CADPS2: variants seen among roughly 807,000 people sequenced by gnomAD.
CADPS2 encodes calcium-dependent secretion activator 2.
CADPS2 carries 93 observed loss-of-function variants against 172.5 expected under a neutral mutation model. That is an observed-to-expected ratio of 0.54 (90% confidence interval 0.46 to 0.64). CADPS2 has a LOEUF of 0.64. Among genes scored for constraint, CADPS2 ranks in the 30% least tolerant of loss-of-function variants. The pLI, the probability that CADPS2 is intolerant of heterozygous loss-of-function variation, is 0.00. For missense variants in CADPS2, 1,420 were observed against 1,565.9 expected (o/e 0.91, Z 1.57); for synonymous variants, 546 against 555.2 (o/e 0.98, Z 0.23).
chr7:122,583,652 T>C (rs1296414148), intron 6 of CADPS2, among the ~76,000 whole-genome samples: 1 of 150,982 alleles, frequency 6.6e-6, no homozygotes, highest in Non-Finnish European at 1.5e-5. Context: ...ATCACAATTA[T>C]ATATGAAGGA....
intron 3 of CADPS2, among the ~76,000 whole-genome samples, chr7:122,652,217 C>T (rs1168059493): frequency 6.6e-6 from 1 of 152,296 alleles, no homozygotes; most frequent in Non-Finnish European, 1.5e-5. Flanking sequence ...TATTATTTAA[C>T]ACAATGCCTA....
intron 7 of CADPS2, among the ~76,000 whole-genome samples, chr7:122,569,650 A>C (rs1388537048): frequency 7.1e-6 from 1 of 139,884 alleles, no homozygotes. Context: ...GGCTACAGTA[A>C]CCAAAACAGC....
chr7:122,351,446 T>C (rs1200271858), intron 27 of CADPS2, among the ~76,000 whole-genome samples: 2 of 150,314 alleles, frequency 1.3e-5, no homozygotes, highest in East Asian at 3.9e-4. Context: ...AGTTAACTTT[T>C]TTTTTTGTTA....
intron 19 of CADPS2, among the ~76,000 whole-genome samples, chr7:122,413,557 A>G (rs2047553994): frequency 6.6e-6 from 1 of 152,210 alleles, no homozygotes; most frequent in Non-Finnish European, 1.5e-5. Context: ...CTGACATGCG[A>G]GCCACTTGAA....
At chr7:122,456,378 G>T (rs1337940156) in intron 14 of CADPS2, among the ~76,000 whole-genome samples, 1 of 151,882 alleles carries the variant, frequency 6.6e-6, no homozygotes, top group Non-Finnish European at 1.5e-5. Flanking sequence ...GAGAAGAAAG[G>T]GTAGTCTTAT....
chr7:122,469,373 T>C (rs371752139), intron 14 of CADPS2, among the ~76,000 whole-genome samples: 7 of 152,192 alleles, frequency 4.6e-5, no homozygotes, highest in East Asian at 3.9e-4. Context: ...TCTTGCATTT[T>C]AGAGGTCTGC....
intron 22 of CADPS2, among the ~76,000 whole-genome samples, chr7:122,390,532 A>C (rs1446954798): frequency 6.6e-6 from 1 of 152,082 alleles, no homozygotes; most frequent in African/African-American, 2.4e-5. Context: ...CATCATAAAA[A>C]CAAAATCTCT....
chr7:122,401,405 T>A (rs2045936797), intron 20 of CADPS2, among the ~76,000 whole-genome samples: 1 of 152,174 alleles, frequency 6.6e-6, no homozygotes, highest in Non-Finnish European at 1.5e-5. Flanking sequence ...TATCCACAGA[T>A]TAAAAGGTGA....
intron 3 of CADPS2, among the ~76,000 whole-genome samples, chr7:122,644,208 A>G (rs1163867481): frequency 6.6e-6 from 1 of 152,228 alleles, no homozygotes; most frequent in African/African-American, 2.4e-5. Flanking sequence ...AACATTCGGG[A>G]CTTCCCACAT....
chr7:122,694,819 G>A (rs1012827699), intron 2 of CADPS2, among the ~76,000 whole-genome samples: 2 of 152,098 alleles, frequency 1.3e-5, no homozygotes, highest in Non-Finnish European at 2.9e-5. Flanking sequence ...ACAAAAACAG[G>A]TGTTCATGGT....
chr7:122,762,409 A>G (rs1410008218), intron 1 of CADPS2, among the ~76,000 whole-genome samples: 3 of 152,144 alleles, frequency 2.0e-5, no homozygotes, highest in Non-Finnish European at 2.9e-5. Context: ...TGAGTTCCCA[A>G]CAAGGATGGA....
intron 11 of CADPS2, among the ~76,000 whole-genome samples, chr7:122,484,632 T>C (rs2057619314): frequency 6.6e-6 from 1 of 151,342 alleles, no homozygotes; most frequent in African/African-American, 2.4e-5. Flanking sequence ...ATGAAAAAAA[T>C]TGATAAAATG....
chr7:122,673,590 T>C (rs2082087594), intron 2 of CADPS2, among the ~76,000 whole-genome samples: 1 of 151,970 alleles, frequency 6.6e-6, no homozygotes, highest in Non-Finnish European at 1.5e-5. Context: ...GACATAAAAG[T>C]TCTCCAAGTC....
intron 2 of CADPS2, chr7:122,697,789 C>T (rs1375905421): frequency 6.4e-7 from 1 of 1,566,044 alleles, no homozygotes; most frequent in Non-Finnish European, 8.6e-7. Context: ...GTCATGCCAT[C>T]AAGGTGAAGG....
chr7:122,664,612 T>G (rs532652801), intron 2 of CADPS2, among the ~76,000 whole-genome samples: 5 of 152,202 alleles, frequency 3.3e-5, no homozygotes, highest in African/African-American at 9.7e-5. Flanking sequence ...ACTTCTGTTA[T>G]GCTGTCAATA....
intron 1 of CADPS2, among the ~76,000 whole-genome samples, chr7:122,851,888 G>A (rs1813749936): frequency 1.3e-5 from 2 of 152,254 alleles, no homozygotes; most frequent in African/African-American, 4.8e-5. Flanking sequence ...ACACAGCCAA[G>A]CCATATCAGA....
At chr7:122,809,653 T>C (rs1408229851) in intron 1 of CADPS2, among the ~76,000 whole-genome samples, 8 of 151,918 alleles carry the variant, frequency 5.3e-5, no homozygotes, top group African/African-American at 1.9e-4. Flanking sequence ...TTTGGTCTAA[T>C]TTGGCAATTT....
At chr7:122,585,746 T>A (rs1377359750) in intron 6 of CADPS2, 1 of 151,988 alleles carries the variant, frequency 6.6e-6, no homozygotes, top group Non-Finnish European at 1.5e-5. Flanking sequence ...TGAATAAAAA[T>A]CTACAAAGCA....
intron 2 of CADPS2, among the ~76,000 whole-genome samples, chr7:122,697,239 T>C (rs2085259195): frequency 6.6e-6 from 1 of 152,126 alleles, no homozygotes. Context: ...AACAGAACTA[T>C]TTATCAAGAA....
Sources: allele counts gnomAD v4.1 joint callset (sites outside exome capture counted in the v4.1 genomes callset), GRCh38; gene constraint gnomAD v4.1.1; transcripts MANE v1.5; gene names NCBI Gene and HGNC (gene_info 2026-07-23, HGNC 2026-07-21).